The following EPHB1 variants were observed in gnomAD, a reference collection of about 807,000 sequenced individuals.
The protein encoded by EPHB1 is ephrin type-B receptor 1.
Under a neutral mutation model 94.4 loss-of-function variants are expected in EPHB1, and 30 were observed. The observed-to-expected ratio is 0.32, with a 90% CI of 0.24 to 0.43. The LOEUF is 0.43. EPHB1 is among the 20% of genes least tolerant of loss of function. EPHB1 has a pLI of 1.00. For missense variants in EPHB1, 1,055 were observed against 1,308.3 expected (o/e 0.81, Z 2.99); for synonymous variants, 522 against 489.1 (o/e 1.07, Z -0.89).
At chr3:135,074,073 C>T (rs1937821325) in intron 3 of EPHB1, among the ~76,000 whole-genome samples, 1 of 152,128 alleles carries the variant, frequency 6.6e-6, no homozygotes, top group East Asian at 1.9e-4. Context: ...TTAGGGTTTG[C>T]AAAATGTTAC....
chr3:135,014,289 C>T (rs970110958), intron 3 of EPHB1, among the ~76,000 whole-genome samples: 15 of 152,184 alleles, frequency 9.9e-5, no homozygotes, highest in Non-Finnish European at 1.8e-4. Context: ...TCCAGAATGT[C>T]CAGCCAGGTC....
chr3:135,227,287 C>T (rs1943423978), intron 12 of EPHB1, among the ~76,000 whole-genome samples: 1 of 152,060 alleles, frequency 6.6e-6, no homozygotes, highest in Non-Finnish European at 1.5e-5. Context: ...AAACAAAATG[C>T]TTCATAACAT....
intron 3 of EPHB1, among the ~76,000 whole-genome samples, chr3:135,020,529 A>G (rs1022707082): frequency 2.6e-5 from 4 of 152,192 alleles, no homozygotes; most frequent in Non-Finnish European, 5.9e-5. Context: ...CATGCGCTAT[A>G]TGGCCTTTTA....
chr3:134,987,838 G>A (rs1014542394), intron 3 of EPHB1, among the ~76,000 whole-genome samples: 2 of 152,116 alleles, frequency 1.3e-5, no homozygotes, highest in Non-Finnish European at 2.9e-5. Flanking sequence ...TGCAAACCAA[G>A]GACGGAGGCT....
chr3:134,925,840 C>A lies in EPHB1; in HGVS notation c.83C>A (p.Ala28Asp), dbSNP rs867384092. 1 of 1,604,550 alleles carries A rather than the reference C, an allele frequency of 6.2e-7. No homozygotes were observed. The highest frequency in any genetic ancestry group is 1.1e-5 in the South Asian group (1 of 89,250). The change falls in exon 2 of 16, where the codon GCT (alanine) becomes GAT (aspartate). Residue 28 changes from alanine (A) to aspartate (D), a missense_variant. Coordinates refer to ENST00000398015, the MANE Select transcript of EPHB1 (RefSeq NM_004441.5). Reference protein sequence around the residue: ...MEETLMDTRTATAELGWTANP... With the variant: ...MEETLMDTRTDTAELGWTANP... Reference sequence around the variant, plus strand: ...GAAACGTTAATGGACACCAGAACGGCTACTGCAGAGCTGGGCTGGACGGCC... The same window carrying A: ...GAAACGTTAATGGACACCAGAACGGATACTGCAGAGCTGGGCTGGACGGCC...
chr3:134,901,404 T>C (rs952515408), intron 1 of EPHB1, among the ~76,000 whole-genome samples: 3 of 152,256 alleles, frequency 2.0e-5, no homozygotes, highest in Non-Finnish European at 4.4e-5. Flanking sequence ...CCAGGCTACA[T>C]GTCCTATAGC....
At chr3:134,851,912 C>T (rs1276219797) in intron 1 of EPHB1, among the ~76,000 whole-genome samples, 1 of 152,144 alleles carries the variant, frequency 6.6e-6, no homozygotes, top group Non-Finnish European at 1.5e-5. Context: ...GCCCTGGAGG[C>T]CTGGTGTGCT....
intron 3 of EPHB1, among the ~76,000 whole-genome samples, chr3:134,973,030 C>T (rs542039677): frequency 2.0e-5 from 3 of 152,302 alleles, no homozygotes; most frequent in East Asian, 1.9e-4. Flanking sequence ...TTGCTCCCTC[C>T]ACAGCCTGGA....
rs534500602 is a variant in EPHB1, at chr3:134,795,497, G to C, written c.-135G>C. Reference sequence around the variant, plus strand: ...TGCCCACGCCCACGCAGCGCTCCGGGAAGTCCGGTCCGGGCGAGAGCGCGA... The same window carrying C: ...TGCCCACGCCCACGCAGCGCTCCGGCAAGTCCGGTCCGGGCGAGAGCGCGA... On this transcript the variant is annotated 5_prime_UTR_variant, in exon 1 of 16. Coordinates refer to ENST00000398015, the MANE Select transcript of EPHB1 (RefSeq NM_004441.5). The C allele has an allele frequency of 3.6e-4, 299 of 822,566 alleles. 3 individuals are homozygous for C. The South Asian group carries it at 5.1e-3, about 14-fold the overall frequency. 51.0% of individuals were successfully genotyped at this position (822,566 alleles called of 1,614,324 possible).
chr3:135,009,799 G>A (rs1935556555), intron 3 of EPHB1, among the ~76,000 whole-genome samples: 1 of 152,162 alleles, frequency 6.6e-6, no homozygotes. Context: ...ACTACTTAGA[G>A]CATTATTTAA....
chr3:135,010,811 C>T (rs1213635138), intron 3 of EPHB1, among the ~76,000 whole-genome samples: 1 of 152,062 alleles, frequency 6.6e-6, no homozygotes, highest in African/African-American at 2.4e-5. Context: ...ATCCACCTAC[C>T]TCGGCCTCCA....
intron 11 of EPHB1, among the ~76,000 whole-genome samples, chr3:135,201,102 G>T (rs1942741029): frequency 6.6e-6 from 1 of 152,004 alleles, no homozygotes; most frequent in Non-Finnish European, 1.5e-5. Context: ...TTTAAGCCAG[G>T]GACTGACATG....
At chr3:134,945,270 T>A (rs979427446) in intron 2 of EPHB1, among the ~76,000 whole-genome samples, 2 of 152,194 alleles carry the variant, frequency 1.3e-5, no homozygotes, top group African/African-American at 4.8e-5. Context: ...GATGAATTTA[T>A]CAATATGTTT....
At chr3:134,806,656 C>T (rs1403506307) in intron 1 of EPHB1, among the ~76,000 whole-genome samples, 1 of 152,030 alleles carries the variant, frequency 6.6e-6, no homozygotes, top group Non-Finnish European at 1.5e-5. Flanking sequence ...TTTAGATAAA[C>T]CTAGAAAGGG....
At chr3:134,942,691 A>G (rs967976487) in intron 2 of EPHB1, among the ~76,000 whole-genome samples, 11 of 152,246 alleles carry the variant, frequency 7.2e-5, no homozygotes, top group African/African-American at 2.4e-4. Context: ...AGCCTTGTAT[A>G]TGGATGAGAT....
intron 3 of EPHB1, among the ~76,000 whole-genome samples, chr3:135,011,710 T>C (rs1935625428): frequency 6.6e-6 from 1 of 152,172 alleles, no homozygotes; most frequent in South Asian, 2.1e-4. Flanking sequence ...TGTGGCTGTC[T>C]TATTACTGCA....
rs1475755282 is a variant in EPHB1, at chr3:135,091,938, C to T, written c.806-14510C>T. Among the ~76,000 whole-genome samples the T allele has an allele frequency of 3.7e-4, 57 of 152,154 alleles. 1 individual carries two copies. The highest frequency in any genetic ancestry group is 1.5e-5 in the Non-Finnish European group (1 of 68,032). On this transcript the variant is annotated intron_variant, in intron 3 of 15. Transcript: ENST00000398015. ...TCATTGTCCAGCCTTTAGATAGAAA[C>T]ACAGTGAGAAGTCATCTTCATTTAT...
intron 5 of EPHB1, among the ~76,000 whole-genome samples, chr3:135,141,870 G>T (rs1940842151): frequency 6.6e-6 from 1 of 152,162 alleles, no homozygotes; most frequent in African/African-American, 2.4e-5. Flanking sequence ...TCAGGGAGGG[G>T]CCTGGCCATC....
intron 12 of EPHB1, among the ~76,000 whole-genome samples, chr3:135,215,304 C>T (rs1943122913): frequency 6.6e-6 from 1 of 152,114 alleles, no homozygotes; most frequent in South Asian, 2.1e-4. Flanking sequence ...GCTGGGATTA[C>T]AGGCATGCGC....
Sources: gnomAD v4.1 joint callset for allele counts (sites outside exome capture counted in the v4.1 genomes callset) on GRCh38, gnomAD v4.1.1 for gene constraint, MANE v1.5 for transcripts, NCBI Gene and HGNC (gene_info 2026-07-23, HGNC 2026-07-21) for gene names.